The following MPPED1 variants were observed in gnomAD, a reference collection of about 807,000 sequenced individuals.
MPPED1 encodes the protein metallophosphoesterase domain containing 1, also known as metallophosphoesterase domain-containing protein 1.
Under a neutral mutation model 36.2 loss-of-function variants are expected in MPPED1, and 16 were observed. The observed-to-expected ratio is 0.44, with a 90% CI of 0.30 to 0.67. The LOEUF is 0.67. MPPED1 is among the 30% of genes least tolerant of loss of function. MPPED1 has a pLI of 0.10. For synonymous variants in MPPED1, 199 were observed against 191.3 expected, an observed-to-expected ratio of 1.04 and a Z score of -0.33; for missense variants, 307 against 453.4, an observed-to-expected ratio of 0.68 and a Z score of 2.93.
intron 4 of MPPED1, among the ~76,000 whole-genome samples, chr22:43,494,694 AGTGGTGGTG>A (rs540041967): frequency 7.3e-5 from 10 of 136,810 alleles, no homozygotes; most frequent in Non-Finnish European, 1.1e-4. Flanking sequence ...TTTGATTCAC[AGTGGTGGTG>A]GTGGTGGTGG....
chr22:43,500,013 G>GTGA (rs561602619), intron 5 of MPPED1, among the ~76,000 whole-genome samples: 1 of 91,068 alleles, frequency 1.1e-5, no homozygotes, highest in Non-Finnish European at 2.1e-5. Context: ...GGTGGTGATG[G>GTGA]TGGAGGTGGT....
intron 3 of MPPED1, among the ~76,000 whole-genome samples, chr22:43,451,161 C>G (rs190469355): frequency 8.5e-4 from 130 of 152,158 alleles, no homozygotes; most frequent in South Asian, 8.1e-3. Flanking sequence ...CGTGCGCCAC[C>G]ACACCCAGTT....
chr22:43,449,921 G>C lies in MPPED1; in HGVS notation c.406+14706G>C, dbSNP rs7289405. Among the ~76,000 whole-genome samples the C allele has an allele frequency of 4.6e-3, 701 of 152,384 alleles. 4 individuals carry two copies. The highest frequency in any genetic ancestry group is 0.016 in the African/African-American group (659 of 41,596). ...ATTATTTCCATCCCTCCTGAGCGAG[G>C]TGGATTCTAGAAGCAGAAAGGCAGT... On this transcript the variant is annotated intron_variant, in intron 3 of 6. Transcript: ENST00000443721.
chr22:43,447,885 T>TA (rs1601966891), intron 3 of MPPED1, among the ~76,000 whole-genome samples: 951 of 24,992 alleles, frequency 0.038, 11 homozygotes, highest in Non-Finnish European at 0.054. Flanking sequence ...ATATATATAT[T>TA]TTTTTTTTTT....
At chr22:43,494,608 A>C (rs751711402) in intron 4 of MPPED1, among the ~76,000 whole-genome samples, 1 of 151,850 alleles carries the variant, frequency 6.6e-6, no homozygotes, top group Non-Finnish European at 1.5e-5. Context: ...GATTTCATCT[A>C]CAAAGAACCT....
At chr22:43,435,279 C>G (rs910455848) in intron 3 of MPPED1, 64 bp downstream of exon 3, 1 of 1,514,100 alleles carries the variant, frequency 6.6e-7, no homozygotes, top group Non-Finnish European at 8.9e-7. Context: ...CGCCAGCTCC[C>G]GAGGCTGCCT....
chr22:43,426,303 C>A (rs1929468227), intron 2 of MPPED1, among the ~76,000 whole-genome samples: 1 of 152,054 alleles, frequency 6.6e-6, no homozygotes, highest in Non-Finnish European at 1.5e-5. Flanking sequence ...GCTGTTGTAC[C>A]TTCACCCGGC....
intron 4 of MPPED1, among the ~76,000 whole-genome samples, chr22:43,493,808 C>A (rs1191190313): frequency 6.6e-6 from 1 of 152,168 alleles, no homozygotes; most frequent in Non-Finnish European, 1.5e-5. Flanking sequence ...GTCTGACCAA[C>A]AGTGCTGCAG....
rs1221316608 is a variant in MPPED1, at chr22:43,443,315, G to A, written c.406+8100G>A. On this transcript the variant is annotated intron_variant, in intron 3 of 6. Transcript: ENST00000443721. ...AGAGGCCACTGGGGGGCTTAGGCAG[G>A]GAGGACAAGGTCTGATTCGGGTTTC... Among the ~76,000 whole-genome samples the A allele has an allele frequency of 2.0e-5, 3 of 152,194 alleles. No homozygotes were observed. The East Asian group carries it at 5.8e-4, about 29-fold the overall frequency.
intron 3 of MPPED1, among the ~76,000 whole-genome samples, chr22:43,451,797 G>GC (rs1930577687): frequency 2.6e-5 from 4 of 152,210 alleles, no homozygotes; most frequent in Non-Finnish European, 5.9e-5. Context: ...CTCTGGCGGG[G>GC]ACCCCATGGT....
At chr22:43,480,266 A>G (rs999422826) in intron 4 of MPPED1, among the ~76,000 whole-genome samples, 2 of 152,162 alleles carry the variant, frequency 1.3e-5, no homozygotes, top group African/African-American at 2.4e-5. Context: ...ACAAGGGCCT[A>G]TAACTACTGG....
chr22:43,475,837 A>G (rs1195511742), intron 4 of MPPED1, among the ~76,000 whole-genome samples: 7 of 147,216 alleles, frequency 4.8e-5, no homozygotes, highest in African/African-American at 1.3e-4. Context: ...GAGGGTAGTG[A>G]TGGTGATAAT....
chr22:43,422,658 T>C (rs2146816550), intron 1 of MPPED1, among the ~76,000 whole-genome samples: 1 of 152,238 alleles, frequency 6.6e-6, no homozygotes, highest in African/African-American at 2.4e-5. Context: ...GGGTGTCCAG[T>C]ACTCAGGCAG....
chr22:43,499,532 G>T (rs552612241), intron 5 of MPPED1, among the ~76,000 whole-genome samples: 48 of 134,380 alleles, frequency 3.6e-4, no homozygotes, highest in African/African-American at 1.2e-3. Context: ...GGTGATGGAG[G>T]TGGTGGTGAT....
intron 4 of MPPED1, among the ~76,000 whole-genome samples, chr22:43,488,225 C>G (rs1349999800): frequency 6.6e-6 from 1 of 152,116 alleles, no homozygotes; most frequent in East Asian, 1.9e-4. Context: ...CCGGGTGTGC[C>G]TGTGTGCTCA....
chr22:43,430,215 C>T (rs185100637), intron 2 of MPPED1, among the ~76,000 whole-genome samples: 27 of 152,284 alleles, frequency 1.8e-4, no homozygotes, highest in African/African-American at 5.3e-4. Context: ...AATAGGGTTA[C>T]GAGGGGTAAC....
intron 4 of MPPED1, among the ~76,000 whole-genome samples, chr22:43,493,564 G>T (rs1932167807): frequency 6.6e-6 from 1 of 152,228 alleles, no homozygotes; most frequent in African/African-American, 2.4e-5. Context: ...GGCACGCCAG[G>T]ACCCAAGTCC....
At chr22:43,413,709 CAA>C (rs1461130950) in intron 1 of MPPED1, among the ~76,000 whole-genome samples, 1 of 152,204 alleles carries the variant, frequency 6.6e-6, no homozygotes, top group African/African-American at 2.4e-5. Context: ...GGCAGCCCCA[CAA>C]CACTTGTAAA....
chr22:43,425,564 G>A (rs141530130), intron 2 of MPPED1, among the ~76,000 whole-genome samples: 44 of 152,348 alleles, frequency 2.9e-4, no homozygotes, highest in African/African-American at 9.9e-4. Context: ...TCCTGGCAGC[G>A]TCTGGCGGGG....
Sources: gnomAD v4.1 joint callset for allele counts (sites outside exome capture counted in the v4.1 genomes callset) on GRCh38, gnomAD v4.1.1 for gene constraint, MANE v1.5 for transcripts, NCBI Gene and HGNC (gene_info 2026-07-23, HGNC 2026-07-21) for gene names.